ABHD12: variants seen among roughly 807,000 people sequenced by gnomAD.
ABHD12 encodes abhydrolase domain containing 12, lysophospholipase, also known as lysophosphatidylserine lipase ABHD12.
ABHD12 carries 43 observed loss-of-function variants against 58.3 expected under a neutral mutation model. That is an observed-to-expected ratio of 0.74 (90% confidence interval 0.58 to 0.95). ABHD12 has a LOEUF of 0.95. Among genes scored for constraint, ABHD12 ranks in the 40% least tolerant of loss-of-function variants. The pLI is 0.00. For synonymous variants in ABHD12, 219 were observed against 211.2 expected (o/e 1.04, Z -0.32); for missense variants, 539 against 537.2 (o/e 1.00, Z -0.03).
At chr20:25,301,906 G>A (rs2088641460) in intron 12 of ABHD12, among the ~76,000 whole-genome samples, 2 of 152,258 alleles carry the variant, frequency 1.3e-5, no homozygotes, top group South Asian at 4.1e-4. Flanking sequence ...AGGCCTGCAA[G>A]TGGCTGGGGT....
chr20:25,385,194 G>T (rs2090072318), intron 1 of ABHD12, among the ~76,000 whole-genome samples: 2 of 151,898 alleles, frequency 1.3e-5, no homozygotes, highest in African/African-American at 2.4e-5. Context: ...AAAATTAGCT[G>T]GGTGTGGTGG....
chr20:25,349,304 C>T (rs1364562912), intron 1 of ABHD12, among the ~76,000 whole-genome samples: 1 of 152,122 alleles, frequency 6.6e-6, no homozygotes, highest in African/African-American at 2.4e-5. Context: ...ATAAAATAGT[C>T]CAGCTGCTAT....
At chr20:25,339,764 G>C (rs185329556) in intron 1 of ABHD12, 180 of 1,289,820 alleles carry the variant, frequency 1.4e-4, no homozygotes, top group Middle Eastern at 1.1e-3. Context: ...GCAGGCAGGC[G>C]TAGGTTACTT....
At chr20:25,374,177 T>C (rs2089933537) in intron 1 of ABHD12, among the ~76,000 whole-genome samples, 1 of 152,092 alleles carries the variant, frequency 6.6e-6, no homozygotes, top group Non-Finnish European at 1.5e-5. Flanking sequence ...CCTCCTTCTT[T>C]ATCCTCCCAA....
intron 1 of ABHD12, among the ~76,000 whole-genome samples, chr20:25,387,535 G>C (rs1000222781): frequency 3.0e-5 from 4 of 134,342 alleles, no homozygotes; most frequent in Non-Finnish European, 6.1e-5. Flanking sequence ...AGGATCGCTT[G>C]AAGCCAGAAA....
rs769245200 is a variant in ABHD12, at chr20:25,309,572, C to A, written c.623G>T (p.Trp208Leu). The A allele has an allele frequency of 6.2e-7, 1 of 1,614,080 alleles. No individual in the cohort carries two copies. The highest frequency in any genetic ancestry group is 1.7e-5 in the Admixed American group (1 of 60,024). ...AGATGGCGTTCCCACTGAGTCACCC[C>A]AACCTGGGAGGGAGAAACGGCAGGA... ...YHVVTFDYRG[W>L]GDSVGTPSER... Residue 208 changes from tryptophan (W) to leucine (L), a missense_variant, in exon 7 of 13, where the codon TGG becomes TTG. Physicochemically the swap from Trp to Leu is moderately conservative, Grantham distance 61. Coordinates refer to ENST00000339157, the MANE Select transcript of ABHD12 (RefSeq NM_001042472.3).
intron 3 of ABHD12, among the ~76,000 whole-genome samples, chr20:25,322,377 A>ATTTTTTTTTT (rs1483645613): frequency 2.4e-5 from 1 of 42,272 alleles, no homozygotes; most frequent in African/African-American, 1.1e-4. Context: ...ATATATATAT[A>ATTTTTTTTTT]TATATTTTTT....
intron 4 of ABHD12, among the ~76,000 whole-genome samples, chr20:25,319,778 G>C (rs1012304002): frequency 3.9e-5 from 6 of 152,182 alleles, no homozygotes; most frequent in South Asian, 2.1e-4. Flanking sequence ...CATACCAGCA[G>C]ATGCTGTGAC....
In ABHD12 at chr20:25,300,761, C is replaced by G; in HGVS notation, c.*84G>C. The G allele has an allele frequency of 6.2e-7, 1 of 1,610,144 alleles. No individual in the cohort carries two copies. The highest frequency in any genetic ancestry group is 1.1e-5 in the South Asian group (1 of 90,600). ...CCTGAGCATTGCAGGTGCCGGCCCC[C>G]CGGGGCTTCAGGATACCGGGCTGCT... On this transcript the variant is annotated 3_prime_UTR_variant, in exon 13 of 13. Coordinates refer to ENST00000339157, the MANE Select transcript of ABHD12 (RefSeq NM_001042472.3).
At chr20:25,312,031 GCAGT>G (rs2088858391) in intron 6 of ABHD12, among the ~76,000 whole-genome samples, 1 of 151,886 alleles carries the variant, frequency 6.6e-6, no homozygotes, top group Non-Finnish European at 1.5e-5. Flanking sequence ...AAACAGTCTC[GCAGT>G]CAGTTGCAAT....
chr20:25,331,345 T>C (rs2089272070), intron 2 of ABHD12, among the ~76,000 whole-genome samples: 1 of 152,116 alleles, frequency 6.6e-6, no homozygotes, highest in African/African-American at 2.4e-5. Context: ...TACCTGAAAG[T>C]GACGGGGAGA....
intron 1 of ABHD12, among the ~76,000 whole-genome samples, chr20:25,381,405 C>A (rs1029072335): frequency 6.6e-6 from 1 of 152,118 alleles, no homozygotes; most frequent in African/African-American, 2.4e-5. Context: ...TGTTACTGGG[C>A]GTAACAGGTA....
At chr20:25,320,945 C>G (rs2089055532) in intron 3 of ABHD12, among the ~76,000 whole-genome samples, 1 of 152,212 alleles carries the variant, frequency 6.6e-6, no homozygotes, top group African/African-American at 2.4e-5. Flanking sequence ...TTAATTTTAA[C>G]TCAGGCCACA....
At chr20:25,319,736 T>G (rs1205985141) in intron 4 of ABHD12, among the ~76,000 whole-genome samples, 1 of 152,084 alleles carries the variant, frequency 6.6e-6, no homozygotes, top group Non-Finnish European at 1.5e-5. Flanking sequence ...CCCAAAGCCC[T>G]CACTCTCCAA....
intron 2 of ABHD12, among the ~76,000 whole-genome samples, chr20:25,323,871 G>A (rs6115146): frequency 0.55 from 83,298 of 152,124 alleles, 23,408 homozygotes; most frequent in Admixed American, 0.61. Flanking sequence ...GGTGGAGTGG[G>A]AAGGACAGCA....
intron 2 of ABHD12, among the ~76,000 whole-genome samples, chr20:25,325,862 G>A (rs1402333184): frequency 6.6e-6 from 1 of 152,016 alleles, no homozygotes; most frequent in Non-Finnish European, 1.5e-5. Flanking sequence ...CCTGAGGTCA[G>A]GAGTTCGAGA....
At chr20:25,385,599 A>G (rs1408042969) in intron 1 of ABHD12, among the ~76,000 whole-genome samples, 2 of 152,064 alleles carry the variant, frequency 1.3e-5, no homozygotes, top group Admixed American at 1.3e-4. Flanking sequence ...TAATCCCAAT[A>G]CTTTGGGGGA....
chr20:25,309,334 G>A lies in ABHD12; in HGVS notation c.749+112C>T. 2.6e-6 allele frequency: 4 copies of A among 1,523,392 alleles called. No individual in the cohort carries two copies. In the East Asian group the frequency reaches 9.1e-5, roughly 35 times the overall value. 94.4% of individuals were successfully genotyped at this position (1,523,392 alleles called of 1,614,324 possible). On this transcript the variant is annotated intron_variant, in intron 7 of 12. Coordinates refer to ENST00000339157, the MANE Select transcript of ABHD12 (RefSeq NM_001042472.3). ...TGGGGATGGGAGCGAGGCTGGTCGGGACTAATGGTGCCACAGGGTTTGCAG... is the reference window on the plus strand; with the variant it reads ...TGGGGATGGGAGCGAGGCTGGTCGGAACTAATGGTGCCACAGGGTTTGCAG...
chr20:25,326,455 G>A (rs2089179174), intron 2 of ABHD12, among the ~76,000 whole-genome samples: 1 of 152,168 alleles, frequency 6.6e-6, no homozygotes, highest in Non-Finnish European at 1.5e-5. Flanking sequence ...GTTATTTTAG[G>A]ACCTCAAGAG....
Sources: gnomAD v4.1 joint callset for allele counts (sites outside exome capture counted in the v4.1 genomes callset) on GRCh38, gnomAD v4.1.1 for gene constraint, MANE v1.5 for transcripts, NCBI Gene and HGNC (gene_info 2026-07-23, HGNC 2026-07-21) for gene names.